The following NMD3 variants were observed in gnomAD, a reference collection of about 807,000 sequenced individuals.
NMD3 encodes 60S ribosomal export protein NMD3.
In NMD3, 47 loss-of-function variants were observed where a neutral mutation model predicts 73.1. The ratio of observed to expected loss-of-function variants is 0.64; its 90% CI spans 0.51 to 0.82. The LOEUF (loss-of-function observed/expected upper bound fraction) is 0.82. Ranked by LOEUF, NMD3 falls within the 40% of genes least tolerant of loss-of-function variation. The probability of loss-of-function intolerance (pLI) is 0.00; values close to 1 mark genes in which losing one functional copy is unlikely to be tolerated. For synonymous variants in NMD3, 210 were observed against 194.5 expected (o/e 1.08, Z -0.66); for missense variants, 554 against 612.5 (o/e 0.90, Z 1.01).
chr3:161,229,622 A>G (rs1736456840), intron 4 of NMD3, among the ~76,000 whole-genome samples: 1 of 152,206 alleles, frequency 6.6e-6, no homozygotes, highest in African/African-American at 2.4e-5. Context: ...TTTAGGATAT[A>G]GATAGTATTT....
chr3:161,253,400 C>T (rs1272665953), downstream of NMD3: 4 of 152,234 alleles, frequency 2.6e-5, no homozygotes, highest in African/African-American at 9.6e-5. Context: ...TTCAGACTTA[C>T]AAAATGTCGC....
intron 7 of NMD3, among the ~76,000 whole-genome samples, chr3:161,236,156 C>T (rs1390107897): frequency 1.3e-5 from 2 of 151,890 alleles, no homozygotes; most frequent in African/African-American, 4.8e-5. Context: ...TTCCACTGCC[C>T]ATTGCATATT....
At chr3:161,243,139 AT>A (rs547712522) in intron 11 of NMD3, among the ~76,000 whole-genome samples, 17 of 152,216 alleles carry the variant, frequency 1.1e-4, no homozygotes, top group African/African-American at 3.9e-4. Context: ...CCCCCAGTGG[AT>A]TTTTGAAACA....
At chr3:161,249,145 G>T (rs1737371606) in intron 13 of NMD3, among the ~76,000 whole-genome samples, 1 of 152,210 alleles carries the variant, frequency 6.6e-6, no homozygotes, top group Non-Finnish European at 1.5e-5. Flanking sequence ...ATGAATGGTA[G>T]CTGAAAACTG....
chr3:161,242,702 TA>T, intron 11 of NMD3, 49 bp downstream of exon 11: 1 of 1,569,314 alleles, frequency 6.4e-7, no homozygotes, highest in Non-Finnish European at 8.7e-7. Flanking sequence ...CCTCAGTTAT[TA>T]TTGTTTCAGT....
rs764785965 is a variant in NMD3 at position 161,246,412 on chromosome 3, TG to T, written c.1097del (p.Gly366AspfsTer4). The T allele has an allele frequency of 6.6e-7, 1 of 1,515,778 alleles. No individual in the cohort carries two copies. The highest frequency in any genetic ancestry group is 9.0e-7 in the Non-Finnish European group (1 of 1,109,682). The allele number at this position is 1,515,778 out of a possible 1,614,324, so 93.9% of individuals were successfully genotyped here. A position where few individuals can be genotyped will look rare whatever the true frequency, so the allele number is the denominator to read the frequency against. On this transcript the variant is annotated frameshift_variant, in exon 12 of 16. Coordinates refer to ENST00000351193, the MANE Select transcript of NMD3 (RefSeq NM_015938.5). LOFTEE classifies it high-confidence loss of function. ...TDKQYFCRTH[L>X]GHLLNPGDLV... is the part of the protein sequence containing the mutation. ...AAACAGTATTTTTGTCGTACTCATT[TG>T]GGACATCTTCTAAATCCCGGAGACC... is the stretch of plus-strand genomic sequence containing the variant.
chr3:161,248,007 A>G (rs1303934714), intron 13 of NMD3, among the ~76,000 whole-genome samples: 1 of 151,290 alleles, frequency 6.6e-6, no homozygotes, highest in African/African-American at 2.4e-5. Context: ...GCTGGTCTCG[A>G]ACTCCTGGCT....
At chr3:161,227,951 A>G (rs1476776033) in intron 4 of NMD3, among the ~76,000 whole-genome samples, 2 of 152,142 alleles carry the variant, frequency 1.3e-5, no homozygotes. Flanking sequence ...ATCACTAAAC[A>G]TAATTGGGAT....
intron 4 of NMD3, among the ~76,000 whole-genome samples, chr3:161,231,567 T>G (rs1457962773): frequency 6.6e-6 from 1 of 152,170 alleles, no homozygotes; most frequent in African/African-American, 2.4e-5. Flanking sequence ...ATGAATAGAT[T>G]ACTATAAAAA....
intron 4 of NMD3, among the ~76,000 whole-genome samples, chr3:161,231,508 T>C (rs7613358): frequency 0.55 from 83,091 of 152,052 alleles, 23,855 homozygotes; most frequent in East Asian, 0.83. Flanking sequence ...AGTGTGATGG[T>C]GAGCCAGAAG....
chr3:161,232,406 T>C (rs895918660), intron 4 of NMD3, among the ~76,000 whole-genome samples: 2 of 152,196 alleles, frequency 1.3e-5, no homozygotes, highest in Non-Finnish European at 2.9e-5. Flanking sequence ...AATTTTTTTA[T>C]AGATCTCCAG....
At chr3:161,233,614 T>A (rs1446884874) in intron 5 of NMD3, 135 bp downstream of exon 5, 1 of 526,824 alleles carries the variant, frequency 1.9e-6, no homozygotes, top group African/African-American at 1.9e-5. Context: ...TGTTTTCTTT[T>A]GAGCATCTGT....
intron 10 of NMD3, among the ~76,000 whole-genome samples, chr3:161,241,511 C>T (rs1224449899): frequency 6.6e-6 from 1 of 150,604 alleles, no homozygotes; most frequent in Admixed American, 6.6e-5. Flanking sequence ...ACCTCCGCCT[C>T]CCAGGTTCAA....
rs1242505245 is a variant in NMD3 at position 161,242,422 on chromosome 3, A to G, written c.872-86A>G. Reference sequence around the variant, plus strand: ...GTTGACCTGCCACTTCCCAGTTGGTATCTACCAGTTTATTCTTAGTTAATA... The same window carrying G: ...GTTGACCTGCCACTTCCCAGTTGGTGTCTACCAGTTTATTCTTAGTTAATA... On this transcript the variant is annotated intron_variant, in intron 10 of 15. Coordinates refer to ENST00000351193, the MANE Select transcript of NMD3 (RefSeq NM_015938.5). 4.0e-6 allele frequency: 5 copies of G among 1,257,814 alleles called. No homozygotes were observed. The African/African-American group carries it at 4.5e-5, about 11-fold the overall frequency. 77.9% of individuals were successfully genotyped at this position (1,257,814 alleles called of 1,614,324 possible).
chr3:161,250,925 CTG>C lies in NMD3; in HGVS notation c.*17_*18del. 6.2e-7 allele frequency: 1 copy of C among 1,605,660 alleles called. No homozygotes were observed. The highest frequency in any genetic ancestry group is 8.5e-7 in the Non-Finnish European group (1 of 1,174,704). The stretch of plus-strand genomic sequence containing the variant: ...TGCTGACATAATGAGATGTTGTAGA[CTG>C]TTTCCATACATGGGCTTAAGAAGTT... On this transcript the variant is annotated 3_prime_UTR_variant, in exon 16 of 16. Coordinates refer to ENST00000351193, the MANE Select transcript of NMD3 (RefSeq NM_015938.5).
intron 11 of NMD3, among the ~76,000 whole-genome samples, 174 bp from the exon 12 acceptor site, chr3:161,246,162 C>T (rs948683440): frequency 6.6e-6 from 1 of 152,126 alleles, no homozygotes. Context: ...TTTCTATACT[C>T]ATGATTCAGT....
intron 9 of NMD3, 124 bp from the exon 10 acceptor site, chr3:161,240,922 T>C: frequency 1.8e-6 from 1 of 543,778 alleles, no homozygotes; most frequent in Non-Finnish European, 3.3e-6. Context: ...TCTTTGTTGA[T>C]TGATAGAATT....
At chr3:161,246,940 TTTTG>T (rs923331575) in intron 12 of NMD3, among the ~76,000 whole-genome samples, 7 of 151,956 alleles carry the variant, frequency 4.6e-5, no homozygotes, top group African/African-American at 9.7e-5. Context: ...GGTGTTTTTT[TTTTG>T]TTTGTTTGTT....
chr3:161,234,173 A>G (rs886234982), intron 5 of NMD3, among the ~76,000 whole-genome samples: 1 of 151,938 alleles, frequency 6.6e-6, no homozygotes, highest in African/African-American at 2.4e-5. Context: ...TTCTATGTAA[A>G]CATGTATAGG....
Sources: gnomAD v4.1 joint callset for allele counts (sites outside exome capture counted in the v4.1 genomes callset) on GRCh38, gnomAD v4.1.1 for gene constraint, MANE v1.5 for transcripts, NCBI Gene and HGNC (gene_info 2026-07-23, HGNC 2026-07-21) for gene names.